Variants in RASEF observed in about 807,000 individuals in gnomAD.
RASEF encodes the protein ras and EF-hand domain-containing protein.
A neutral mutation model predicts 90.1 loss-of-function variants in RASEF; 68 were observed. The observed-to-expected ratio is 0.75, with a 90% CI of 0.62 to 0.92. The LOEUF (loss-of-function observed/expected upper bound fraction) is 0.92. RASEF is among the 40% of genes least tolerant of loss of function. RASEF has a pLI of 0.00. For synonymous variants in RASEF, 331 were observed against 345.2 expected (o/e 0.96, Z 0.46); for missense variants, 949 against 937.2 (o/e 1.01, Z -0.16).
chr9:83,025,585 T>G (rs1829528948), intron 2 of RASEF, among the ~76,000 whole-genome samples, 190 bp downstream of exon 2: 1 of 152,216 alleles, frequency 6.6e-6, no homozygotes, highest in Non-Finnish European at 1.5e-5. Flanking sequence ...AGGATCATGA[T>G]GATCTACTGA....
chr9:83,166,878 A>C, the RASEF span, among the ~76,000 whole-genome samples: 1 of 152,144 alleles, frequency 6.6e-6, no homozygotes, highest in Non-Finnish European at 1.5e-5. Flanking sequence ...AACAGAGCAG[A>C]TCTCTTTATC....
intron 1 of RASEF, among the ~76,000 whole-genome samples, chr9:83,040,444 C>T (rs986442992): frequency 3.9e-5 from 6 of 152,012 alleles, no homozygotes; most frequent in African/African-American, 1.4e-4. Context: ...TCAACAAAGA[C>T]AACATATTGC....
the RASEF span, among the ~76,000 whole-genome samples, chr9:83,168,003 C>T: frequency 1.3e-5 from 2 of 152,084 alleles, no homozygotes; most frequent in African/African-American, 4.8e-5. Context: ...CATATGTTTT[C>T]AGTTCTCTTG....
chr9:83,046,362 G>C (rs1170522835), intron 1 of RASEF, among the ~76,000 whole-genome samples: 2 of 151,970 alleles, frequency 1.3e-5, no homozygotes, highest in African/African-American at 4.8e-5. Context: ...TATAGATATC[G>C]AGTTGTCTGC....
At chr9:83,124,937 A>G in the RASEF span, among the ~76,000 whole-genome samples, 1 of 152,180 alleles carries the variant, frequency 6.6e-6, no homozygotes, top group Non-Finnish European at 1.5e-5. Context: ...AGCCAAGCCG[A>G]GGTGTTATGA....
the RASEF span, among the ~76,000 whole-genome samples, chr9:83,082,244 T>TA: frequency 2.6e-5 from 4 of 152,170 alleles, no homozygotes; most frequent in African/African-American, 7.2e-5. Flanking sequence ...TCAACGTAAT[T>TA]AGAGAAACAG....
intron 5 of RASEF, among the ~76,000 whole-genome samples, 167 bp downstream of exon 5, chr9:83,012,267 G>A (rs1829260551): frequency 1.3e-5 from 2 of 152,136 alleles, no homozygotes; most frequent in African/African-American, 2.4e-5. Flanking sequence ...TATTATTGAG[G>A]GAAAAGCCTG....
At chr9:83,099,937 C>T in the RASEF span, among the ~76,000 whole-genome samples, 1 of 152,282 alleles carries the variant, frequency 6.6e-6, no homozygotes, top group African/African-American at 2.4e-5. Flanking sequence ...AAATCAGATG[C>T]AAATAATTTA....
the RASEF span, among the ~76,000 whole-genome samples, chr9:83,128,837 A>G: frequency 2.0e-5 from 3 of 152,178 alleles, no homozygotes; most frequent in African/African-American, 7.2e-5. Context: ...CTCCTGTAGC[A>G]GGTAGCATGG....
At chr9:83,214,687 C>A in the RASEF span, among the ~76,000 whole-genome samples, 1 of 152,062 alleles carries the variant, frequency 6.6e-6, no homozygotes, top group Non-Finnish European at 1.5e-5. Context: ...TCTCAAAGAT[C>A]TGATGGTTTT....
At chr9:83,198,291 A>G in the RASEF span, among the ~76,000 whole-genome samples, 3 of 152,204 alleles carry the variant, frequency 2.0e-5, no homozygotes, top group Non-Finnish European at 4.4e-5. Flanking sequence ...ACAACCTACC[A>G]TACAATTTAG....
intron 6 of RASEF, among the ~76,000 whole-genome samples, chr9:83,008,056 C>T (rs1055579270): frequency 6.6e-6 from 1 of 152,068 alleles, no homozygotes; most frequent in African/African-American, 2.4e-5. Context: ...GCTTGCTAAG[C>T]TCGTGAGACA....
intron 3 of RASEF, among the ~76,000 whole-genome samples, chr9:83,016,574 A>C (rs1286563023): frequency 1.3e-5 from 2 of 152,146 alleles, no homozygotes; most frequent in Non-Finnish European, 2.9e-5. Context: ...AGTAAAATTC[A>C]GTGTACAAAT....
At chr9:83,082,118 A>G in the RASEF span, among the ~76,000 whole-genome samples, 3 of 152,138 alleles carry the variant, frequency 2.0e-5, no homozygotes, top group Admixed American at 1.3e-4. Context: ...TCTGTACTTT[A>G]ATTAGTATGA....
chr9:83,120,167 G>T, the RASEF span, among the ~76,000 whole-genome samples: 2 of 152,214 alleles, frequency 1.3e-5, no homozygotes, highest in African/African-American at 4.8e-5. Context: ...CCTAGGGGTT[G>T]GGCAGTCAGA....
At chr9:83,089,678 G>C in the RASEF span, among the ~76,000 whole-genome samples, 1 of 152,100 alleles carries the variant, frequency 6.6e-6, no homozygotes, top group Non-Finnish European at 1.5e-5. Context: ...GTGATTTGTT[G>C]TTTGTCTTGT....
At chr9:83,135,046 T>C in the RASEF span, among the ~76,000 whole-genome samples, 1 of 152,272 alleles carries the variant, frequency 6.6e-6, no homozygotes, top group South Asian at 2.1e-4. Flanking sequence ...AGGAAATTCA[T>C]ACAGACAGAA....
the RASEF span, among the ~76,000 whole-genome samples, chr9:83,123,635 G>A: frequency 2.6e-5 from 4 of 152,148 alleles, no homozygotes; most frequent in South Asian, 2.1e-4. Flanking sequence ...CCACTGAGCC[G>A]TGCTCTTCGA....
At chr9:83,044,557 G>A (rs1829895495) in intron 1 of RASEF, among the ~76,000 whole-genome samples, 1 of 152,164 alleles carries the variant, frequency 6.6e-6, no homozygotes, top group African/African-American at 2.4e-5. Flanking sequence ...TTGGTACTTT[G>A]TTGTGGAGTG....
Sources: gnomAD v4.1 joint callset for allele counts (sites outside exome capture counted in the v4.1 genomes callset) on GRCh38, gnomAD v4.1.1 for gene constraint, MANE v1.5 for transcripts, NCBI Gene and HGNC (gene_info 2026-07-23, HGNC 2026-07-21) for gene names.